The following RNF17 variants were observed in gnomAD, a reference collection of about 807,000 sequenced individuals.
RNF17 encodes spermatogenesis associated 23.
In RNF17, 31 loss-of-function variants were observed where a neutral mutation model predicts 200.5. The observed-to-expected ratio is 0.15, with a 90% CI of 0.12 to 0.21. RNF17 has a LOEUF of 0.21. Among genes scored for constraint, RNF17 ranks in the 10% least tolerant of loss-of-function variants. RNF17 has a pLI of 1.00. For missense variants in RNF17, 1,628 were observed against 1,905.1 expected (o/e 0.85, Z 2.71); for synonymous variants, 606 against 637.8 (o/e 0.95, Z 0.75).
intron 27 of RNF17, 51 bp from the exon 28 acceptor site, chr13:24,862,662 C>A: frequency 8.6e-7 from 1 of 1,163,342 alleles, no homozygotes; most frequent in East Asian, 2.4e-5. Context: ...TTGCTTCCTG[C>A]TCTGATTTTA....
intron 16 of RNF17, among the ~76,000 whole-genome samples, chr13:24,828,139 G>A (rs1314626541): frequency 6.6e-6 from 1 of 152,142 alleles, no homozygotes; most frequent in Non-Finnish European, 1.5e-5. Flanking sequence ...TTCAAATTAG[G>A]ATTATTGGCT....
intron 3 of RNF17, among the ~76,000 whole-genome samples, chr13:24,777,649 T>G (rs1881752216): frequency 6.6e-6 from 1 of 152,234 alleles, no homozygotes; most frequent in Admixed American, 6.5e-5. Context: ...AGCTGGCATT[T>G]GTATATATAA....
At chr13:24,819,588 A>G (rs117052998) in intron 15 of RNF17, among the ~76,000 whole-genome samples, 10 of 152,340 alleles carry the variant, frequency 6.6e-5, no homozygotes, top group Non-Finnish European at 8.8e-5. Flanking sequence ...AGTTATAACA[A>G]TCCAATATGA....
At chr13:24,866,269 G>T in intron 30 of RNF17, 66 bp downstream of exon 30, 1 of 815,442 alleles carries the variant, frequency 1.2e-6, no homozygotes, top group South Asian at 1.6e-5. Flanking sequence ...TCTGATACAG[G>T]ACAGAAAGCT....
At chr13:24,785,853 T>A (rs1212257715) in intron 6 of RNF17, among the ~76,000 whole-genome samples, 1 of 152,216 alleles carries the variant, frequency 6.6e-6, no homozygotes, top group Non-Finnish European at 1.5e-5. Flanking sequence ...CCCAGCTTTT[T>A]AAATTATCGG....
rs1186897135 is a variant in RNF17 at position 24,819,512 on chromosome 13, C to T, written c.2092-6107C>T. Reference sequence around the variant, plus strand: ...TCAGGTTTTGCTTCCCTTCTTGTTTCCTTTTTGTGTTTATCTTGTAGATTA... The same window carrying T: ...TCAGGTTTTGCTTCCCTTCTTGTTTTCTTTTTGTGTTTATCTTGTAGATTA... On this transcript the variant is annotated intron_variant, in intron 15 of 35. Coordinates refer to ENST00000255324, the MANE Select transcript of RNF17 (RefSeq NM_031277.3). Among the ~76,000 whole-genome samples the T allele has an allele frequency of 2.0e-5, 3 of 152,232 alleles. No homozygotes were observed. In the East Asian group the frequency reaches 5.8e-4, roughly 29 times the overall value.
chr13:24,877,088 G>A lies in RNF17; in HGVS notation c.4675G>A (p.Gly1559Arg). 6.2e-7 allele frequency: 1 copy of A among 1,612,696 alleles called. No homozygotes were observed. The highest frequency in any genetic ancestry group is 1.1e-5 in the South Asian group (1 of 90,970). ...AGFKPPLRDL[G>R]ETRIPYCPKW... ...GTTTAAACCTCCCTTAAGGGATCTA[G>A]GGGAGACAAGAATACCATATTGTCC... The change falls in exon 34 of 36, where the codon GGG (glycine) becomes AGG (arginine). Residue 1559 changes from glycine (G) to arginine (R), a missense_variant. Gly to Arg is a moderately radical substitution (Grantham distance 125, BLOSUM62 -2). This residue lies in a region of RNF17 where 609 missense variants were observed against 681.9 expected (regional missense o/e 0.89). Transcript: ENST00000255324.
intron 22 of RNF17, among the ~76,000 whole-genome samples, chr13:24,848,903 G>A (rs1402241439): frequency 1.3e-5 from 2 of 152,090 alleles, no homozygotes; most frequent in Non-Finnish European, 2.9e-5. Context: ...AAGCTTCTTA[G>A]CACATAAGAA....
At chr13:24,813,246 A>T (rs117014481) in intron 15 of RNF17, among the ~76,000 whole-genome samples, 1 of 151,910 alleles carries the variant, frequency 6.6e-6, no homozygotes, top group Non-Finnish European at 1.5e-5. Context: ...TGCAGCCTCA[A>T]TCTCCTAGGC....
At chr13:24,858,739 T>C (rs1892783924) in intron 25 of RNF17, among the ~76,000 whole-genome samples, 1 of 152,102 alleles carries the variant, frequency 6.6e-6, no homozygotes, top group Admixed American at 6.5e-5. Context: ...TGACCCTATT[T>C]TGAATTGGTA....
At chr13:24,825,523 A>C in intron 15 of RNF17, 96 bp from the exon 16 acceptor site, 2 of 824,324 alleles carry the variant, frequency 2.4e-6, no homozygotes, top group Non-Finnish European at 3.8e-6. Context: ...TCAAGTTTTA[A>C]TGTTTCATAA....
At chr13:24,885,417 A>T in the RNF17 span, 1 of 1,476,440 alleles carries the variant, frequency 6.8e-7, no homozygotes, top group South Asian at 1.1e-5. Flanking sequence ...AAGCAGCTAA[A>T]ACCTACTCTT....
In RNF17 at chr13:24,767,353, G is replaced by A. The variant is rs762893507; in HGVS notation, c.212G>A (p.Cys71Tyr). The change falls in exon 2 of 36, where the codon TGC (cysteine) becomes TAC (tyrosine). Residue 71 changes from cysteine (C) to tyrosine (Y), a missense_variant. Around this residue, in one of 5 missense-constraint regions of RNF17, gnomAD observed 502 missense variants for 501.7 expected, o/e 1.00. Transcript: ENST00000255324. Reference protein sequence around the residue: ...LMTEECTTIICPDCEVATAVN... With the variant: ...LMTEECTTIIYPDCEVATAVN... ...ACTGAAGAATGCACCACAATTATATGCCCTGATTGTGAGGTAAGTGTTATA... is the reference window on the plus strand; with the variant it reads ...ACTGAAGAATGCACCACAATTATATACCCTGATTGTGAGGTAAGTGTTATA... 2.5e-6 allele frequency: 4 copies of A among 1,597,486 alleles called. No homozygotes were observed. The East Asian group carries it at 8.9e-5, about 36-fold the overall frequency.
chr13:24,831,533 C>CT (rs1447352760), intron 17 of RNF17, among the ~76,000 whole-genome samples: 1 of 152,204 alleles, frequency 6.6e-6, no homozygotes, highest in African/African-American at 2.4e-5. Context: ...ATCTTCTGTG[C>CT]TTTCAGCAGT....
At chr13:24,871,964 T>C (rs1894318404) in intron 32 of RNF17, among the ~76,000 whole-genome samples, 1 of 86,018 alleles carries the variant, frequency 1.2e-5, no homozygotes, top group Non-Finnish European at 2.4e-5. Flanking sequence ...ATGACTTTTT[T>C]TTTTTTTTTT....
rs757357241 is a variant in RNF17 at position 24,778,364 on chromosome 13, C to T, written c.387C>T (p.Ala129=). 8 of 1,613,614 alleles carry T rather than the reference C, an allele frequency of 5.0e-6. No homozygotes were observed. The Admixed American group carries it at 5.0e-5, about 10-fold the overall frequency. The change falls in exon 4 of 36, where the codon GCC becomes GCT. Residue 129 remains alanine (A), a synonymous_variant. Transcript: ENST00000255324. ...DQLTTGLERS[A]STDKTLLNSS... ...TAACTACTGGTTTAGAACGTTCAGC[C>T]TCCACAGACAAGACTCTTTTGAACT...
At chr13:24,881,892 A>G (rs779824145), downstream of RNF17, among the ~76,000 whole-genome samples, 3,606 of 60,174 alleles carry the variant, frequency 0.06, 25 homozygotes, top group Admixed American at 0.066. Flanking sequence ...ATATATAGAT[A>G]CATCTATATA....
intron 5 of RNF17, among the ~76,000 whole-genome samples, chr13:24,780,132 C>T (rs1339424928): frequency 6.6e-6 from 1 of 152,238 alleles, no homozygotes; most frequent in African/African-American, 2.4e-5. Context: ...AAAACAAGTT[C>T]TTCAGCACCT....
chr13:24,767,261 T>C lies in RNF17; in HGVS notation c.131-11T>C, dbSNP rs1369826220. 4 of 1,557,970 alleles carry C rather than the reference T, an allele frequency of 2.6e-6. No homozygotes were observed. In the East Asian group the frequency reaches 6.7e-5, roughly 26 times the overall value. On this transcript the variant is annotated splice_polypyrimidine_tract_variant and intron_variant, in intron 1 of 35. Transcript: ENST00000255324. ...CATCATCAAAATAATAATTAAGAAT[T>C]TCATCAATAGGTCACCATTGTGAAC...
Sources: allele counts gnomAD v4.1 joint callset (sites outside exome capture counted in the v4.1 genomes callset), GRCh38; gene constraint gnomAD v4.1.1; regional missense constraint gnomAD v4.1.1; transcripts MANE v1.5; gene names NCBI Gene and HGNC (gene_info 2026-07-23, HGNC 2026-07-21).